The following ST3GAL3 variants were observed in gnomAD, a reference collection of about 807,000 sequenced individuals.
The protein encoded by ST3GAL3 is ST3 beta-galactoside alpha-2,3-sialyltransferase 3, also known as CMP-N-acetylneuraminate-beta-1,4-galactoside alpha-2,3-sialyltransferase.
A neutral mutation model predicts 50.1 loss-of-function variants in ST3GAL3; 21 were observed. The ratio of observed to expected loss-of-function variants is 0.42; its 90% CI spans 0.30 to 0.60. The LOEUF is 0.60. Among genes scored for constraint, ST3GAL3 ranks in the 20% least tolerant of loss-of-function variants. ST3GAL3 has a pLI of 0.19. For synonymous variants in ST3GAL3, 183 were observed against 190.0 expected (o/e 0.96, Z 0.30); for missense variants, 353 against 489.4 (o/e 0.72, Z 2.63).
intron 2 of ST3GAL3, among the ~76,000 whole-genome samples, chr1:43,745,101 A>T (rs570297597): frequency 9.9e-5 from 15 of 152,272 alleles, no homozygotes; most frequent in Admixed American, 9.8e-4. Flanking sequence ...AGCCTGGCCA[A>T]CTGGGCTATA....
chr1:43,785,611 A>G (rs575819688), intron 2 of ST3GAL3, among the ~76,000 whole-genome samples: 1 of 152,272 alleles, frequency 6.6e-6, no homozygotes, highest in African/African-American at 2.4e-5. Context: ...GCTGCCCTCA[A>G]CAGCAGGGTT....
At chr1:43,838,114 C>CAAAAACAA (rs2064711891) in intron 4 of ST3GAL3, 105 bp from the exon 5 acceptor site, 1 of 245,578 alleles carries the variant, frequency 4.1e-6, no homozygotes, top group South Asian at 2.9e-5. Flanking sequence ...GACTCCGTCT[C>CAAAAACAA]AAAAAAAAAA....
chr1:43,759,061 G>GCA (rs1371102406), intron 2 of ST3GAL3, among the ~76,000 whole-genome samples: 53 of 76,514 alleles, frequency 6.9e-4, no homozygotes, highest in African/African-American at 4.4e-3. Context: ...AAACAAAAGC[G>GCA]CGCGCACACA....
At chr1:43,925,473 T>C (rs1454135990) in intron 11 of ST3GAL3, among the ~76,000 whole-genome samples, 1 of 152,138 alleles carries the variant, frequency 6.6e-6, no homozygotes, top group East Asian at 1.9e-4. Context: ...GCCTGCCACG[T>C]AGTAAGCACT....
chr1:43,866,539 G>A (rs2071366016), intron 5 of ST3GAL3, among the ~76,000 whole-genome samples: 1 of 151,712 alleles, frequency 6.6e-6, no homozygotes, highest in Non-Finnish European at 1.5e-5. Flanking sequence ...AGCCATGATT[G>A]TGCCACTGCA....
chr1:43,930,297 C>T lies in ST3GAL3; in HGVS notation c.*76C>T. ...CCAGCACCACCTACACAGGAGTCTT[C>T]AGACCCAGAGAAGGACGGTGCCAAG... is the stretch of plus-strand genomic sequence containing the variant. On this transcript the variant is annotated 3_prime_UTR_variant, in exon 12 of 12. Transcript: ENST00000347631. 1.4e-6 allele frequency: 2 copies of T among 1,431,004 alleles called. No individual in the cohort carries two copies. The highest frequency in any genetic ancestry group is 2.3e-5 in the East Asian group (1 of 44,038). 88.6% of individuals were successfully genotyped at this position (1,431,004 alleles called of 1,614,324 possible).
intron 3 of ST3GAL3, among the ~76,000 whole-genome samples, chr1:43,803,889 G>A (rs572124847): frequency 1.3e-5 from 2 of 152,326 alleles, no homozygotes; most frequent in African/African-American, 2.4e-5. Flanking sequence ...AGAGACACAC[G>A]TGCTCCTTGG....
At chr1:43,734,032 C>G (rs1034267956) in intron 1 of ST3GAL3, among the ~76,000 whole-genome samples, 5 of 151,994 alleles carry the variant, frequency 3.3e-5, no homozygotes, top group Admixed American at 3.3e-4. Flanking sequence ...ATCGCTTGAA[C>G]CCGGGGAGGT....
At chr1:43,925,150 C>T (rs909399947) in intron 11 of ST3GAL3, among the ~76,000 whole-genome samples, 10 of 151,876 alleles carry the variant, frequency 6.6e-5, no homozygotes, top group African/African-American at 2.2e-4. Flanking sequence ...ATTAGCCAGG[C>T]GTGGTGGTGC....
chr1:43,805,671 G>T (rs568014593), intron 3 of ST3GAL3, among the ~76,000 whole-genome samples: 1 of 152,326 alleles, frequency 6.6e-6, no homozygotes, highest in South Asian at 2.1e-4. Context: ...ACTGGAGAAA[G>T]TACACTGTGG....
intron 5 of ST3GAL3, 185 bp from the exon 6 acceptor site, chr1:43,894,198 T>G: frequency 1.5e-6 from 1 of 663,230 alleles, no homozygotes; most frequent in Admixed American, 2.1e-5. Flanking sequence ...AGACTCAGGC[T>G]CCACTGAACA....
intron 4 of ST3GAL3, among the ~76,000 whole-genome samples, chr1:43,825,069 A>T (rs1392790895): frequency 1.3e-5 from 2 of 152,340 alleles, no homozygotes; most frequent in Admixed American, 1.3e-4. Context: ...AGAGATTCTG[A>T]TTTAGTTGGT....
intron 4 of ST3GAL3, among the ~76,000 whole-genome samples, chr1:43,819,461 A>G (rs2061811046): frequency 6.9e-6 from 1 of 144,506 alleles, no homozygotes; most frequent in Admixed American, 7.1e-5. Context: ...TAAAAATGTA[A>G]AAGACATTCT....
chr1:43,890,924 T>C (rs757822774), intron 5 of ST3GAL3, among the ~76,000 whole-genome samples: 17 of 152,148 alleles, frequency 1.1e-4, no homozygotes, highest in Non-Finnish European at 2.2e-4. Flanking sequence ...TGGGAAAATA[T>C]GGAATATGGG....
At chr1:43,920,162 C>G (rs955943432) in intron 9 of ST3GAL3, 1 of 563,796 alleles carries the variant, frequency 1.8e-6, no homozygotes, top group Non-Finnish European at 3.2e-6. Context: ...CGACTCCCTT[C>G]GTATCCTCCT....
At chr1:43,876,797 A>T (rs1187958265) in intron 5 of ST3GAL3, among the ~76,000 whole-genome samples, 1 of 152,182 alleles carries the variant, frequency 6.6e-6, no homozygotes, top group East Asian at 1.9e-4. Flanking sequence ...TATGGTTGTG[A>T]CAGGTCCCTA....
At chr1:43,878,313 A>C (rs1038883227) in intron 5 of ST3GAL3, among the ~76,000 whole-genome samples, 6 of 152,194 alleles carry the variant, frequency 3.9e-5, no homozygotes, top group African/African-American at 1.4e-4. Flanking sequence ...GGAAGTGTAC[A>C]TCCTACCAGA....
chr1:43,794,157 A>G (rs1031287791), intron 3 of ST3GAL3, among the ~76,000 whole-genome samples: 4 of 152,140 alleles, frequency 2.6e-5, no homozygotes, highest in African/African-American at 9.7e-5. Flanking sequence ...AAATATCTTT[A>G]CAACACAAAT....
intron 5 of ST3GAL3, chr1:43,841,728 C>A (rs1199828883): frequency 6.6e-6 from 1 of 152,182 alleles, no homozygotes; most frequent in Non-Finnish European, 1.5e-5. Flanking sequence ...GCATTTGGCT[C>A]TTTTTTAGTT....
Sources: allele counts gnomAD v4.1 joint callset (sites outside exome capture counted in the v4.1 genomes callset), GRCh38; gene constraint gnomAD v4.1.1; transcripts MANE v1.5; gene names NCBI Gene and HGNC (gene_info 2026-07-23, HGNC 2026-07-21).